The following FAM118B variants were observed in gnomAD, a reference collection of about 807,000 sequenced individuals.
FAM118B encodes the protein protein FAM118B.
A neutral mutation model predicts 38.5 loss-of-function variants in FAM118B; 24 were observed. That is an observed-to-expected ratio of 0.62 (90% CI 0.45 to 0.88). The LOEUF (loss-of-function observed/expected upper bound fraction) is 0.88. Among genes scored for constraint, FAM118B ranks in the 40% least tolerant of loss-of-function variants. The pLI is 0.00. For missense variants in FAM118B, 334 were observed against 420.0 expected (o/e 0.80, Z 1.79); for synonymous variants, 138 against 156.3 (o/e 0.88, Z 0.87).
At position 126,256,586 on chromosome 11, in the gene FAM118B, A is replaced by G. The variant is rs758185882; in HGVS notation, c.716A>G (p.Tyr239Cys). 3.1e-6 allele frequency: 5 copies of G among 1,613,918 alleles called. No individual in the cohort carries two copies. The highest frequency in any genetic ancestry group is 3.3e-5 in the Admixed American group (2 of 59,936). ...TEVMREIQKL[Y>C]ENKSFLFLGC... ...TTCCAGAGAGAAATTCAGAAACTCT[A>G]CGAAAACAAGTCATTTCTTTTCCTG... The change falls in exon 7 of 9, where the codon TAC becomes TGC. Residue 239 changes from tyrosine (Y) to cysteine (C), a missense_variant. This residue lies in a region of FAM118B where 240 missense variants were observed against 295.9 expected (regional missense o/e 0.81). Transcript: ENST00000533050. This position sits in a 1 kb window ranked among gnomAD's most constrained non-coding sequence, Gnocchi z 6.6.
rs1949952721 is a variant in FAM118B, at chr11:126,214,516, T to TTTTTTTTTTTTTTTTTTTTTTTTTTTTC, written c.-77+2697_-77+2698insTTTTTTTTTTTTTTTTCTTTTTTTTTTT. ...TTTTTTTTTTTTGTTTTTTTTTTGT[T>TTTTTTTTTTTTTTTTTTTTTTTTTTTTC]TTTTTTTTTTTACCTCTATATTGCC... On this transcript the variant is annotated intron_variant, in intron 1 of 8. Transcript: ENST00000533050. 2.2e-5 allele frequency: 2 copies of TTTTTTTTTTTTTTTTTTTTTTTTTTTTC among 92,512 alleles called. 1 individual carries two copies. Among genetic ancestry groups the TTTTTTTTTTTTTTTTTTTTTTTTTTTTC allele is most frequent in the Non-Finnish European group, 4.4e-5 (2 of 45,228 alleles). The allele number at this position is 92,512 out of a possible 1,614,324, so 5.7% of individuals were successfully genotyped here.
chr11:126,240,265 CT>C lies in FAM118B; in HGVS notation c.87-518del, dbSNP rs1396031095. 4.8e-5 allele frequency among the ~76,000 whole-genome samples: 7 copies of C among 146,058 alleles called. No homozygotes were observed. The South Asian group carries it at 6.5e-4, about 14-fold the overall frequency. ...TGTGTTTTCAGAATTCTATTGGCCACTTTTTTTTTCTTTTTTTTTTTTGCCT... is the reference window on the plus strand; with the variant it reads ...TGTGTTTTCAGAATTCTATTGGCCACTTTTTTTTCTTTTTTTTTTTTGCCT... On this transcript the variant is annotated intron_variant, in intron 3 of 8. Coordinates refer to ENST00000533050, the MANE Select transcript of FAM118B (RefSeq NM_024556.4).
At chr11:126,234,175 A>G (rs1391620556) in intron 2 of FAM118B, among the ~76,000 whole-genome samples, 4 of 152,230 alleles carry the variant, frequency 2.6e-5, no homozygotes, top group African/African-American at 4.8e-5. Context: ...GAATGTACTA[A>G]AACACCCCAA....
intron 1 of FAM118B, among the ~76,000 whole-genome samples, chr11:126,220,913 G>T (rs1030618860): frequency 6.6e-6 from 1 of 151,824 alleles, no homozygotes; most frequent in African/African-American, 2.4e-5. Flanking sequence ...TAGGCCGGGC[G>T]CAGTGGCTCA....
chr11:126,253,661 G>A lies in FAM118B; in HGVS notation c.568-644G>A, dbSNP rs904663771. On this transcript the variant is annotated intron_variant, in intron 5 of 8. Coordinates refer to ENST00000533050, the MANE Select transcript of FAM118B (RefSeq NM_024556.4). This position sits in a 1 kb window ranked among gnomAD's most constrained non-coding sequence, Gnocchi z 5.1. ...CCAGGCATTTTTTCTGCTGATTTTT[G>A]CACCCTCTTCACATACCTGCAGACA... Among the ~76,000 whole-genome samples the A allele has an allele frequency of 6.6e-6, 1 of 152,034 alleles. No homozygotes were observed. The highest frequency in any genetic ancestry group is 2.4e-5 in the African/African-American group (1 of 41,382).
intron 4 of FAM118B, among the ~76,000 whole-genome samples, chr11:126,249,253 T>C (rs192814410): frequency 6.6e-6 from 1 of 152,342 alleles, no homozygotes; most frequent in African/African-American, 2.4e-5. Flanking sequence ...GATTGGTGTT[T>C]GATGTTTTCA....
Position 126,250,780 on chromosome 11 carries a change from C to A in FAM118B, c.567+47C>A. ...CCTTCTTCAGGCTAGTGGATTTTATCTTCCTCAGAAAAGCTCTTTTCTAGT... is the reference window on the plus strand; with the variant it reads ...CCTTCTTCAGGCTAGTGGATTTTATATTCCTCAGAAAAGCTCTTTTCTAGT... On this transcript the variant is annotated intron_variant, in intron 5 of 8. Transcript: ENST00000533050. This position sits in a 1 kb window ranked among gnomAD's most constrained non-coding sequence, Gnocchi z 5.1. 1 of 1,425,926 alleles carries A rather than the reference C, an allele frequency of 7.0e-7. No homozygotes were observed. Among genetic ancestry groups the A allele is most frequent in the Non-Finnish European group, 9.7e-7 (1 of 1,031,508 alleles). The allele number at this position is 1,425,926 out of a possible 1,614,324, so 88.3% of individuals were successfully genotyped here.
At chr11:126,241,830 A>C (rs1199055579) in intron 4 of FAM118B, among the ~76,000 whole-genome samples, 1 of 152,108 alleles carries the variant, frequency 6.6e-6, no homozygotes, top group South Asian at 2.1e-4. Flanking sequence ...GATTATAGGC[A>C]TGAGCCACTG....
At chr11:126,219,955 T>C (rs1950042720) in intron 1 of FAM118B, among the ~76,000 whole-genome samples, 1 of 152,000 alleles carries the variant, frequency 6.6e-6, no homozygotes, top group Non-Finnish European at 1.5e-5. Context: ...GGGGGGCTTA[T>C]ATGTATGGAG....
At chr11:126,247,870 T>A (rs56384232) in intron 4 of FAM118B, among the ~76,000 whole-genome samples, 26,248 of 139,202 alleles carry the variant, frequency 0.19, 2,757 homozygotes, top group Non-Finnish European at 0.25. Context: ...AAAAAAAATA[T>A]ATATATATAT....
chr11:126,247,379 T>G lies in FAM118B; in HGVS notation c.340-3127T>G, dbSNP rs186156505. ...TCCTTCCTATGTTGATATGTAGGATTTAGTAGCTTAAATAGGTCTAAAAGA... is the reference window on the plus strand; with the variant it reads ...TCCTTCCTATGTTGATATGTAGGATGTAGTAGCTTAAATAGGTCTAAAAGA... On this transcript the variant is annotated intron_variant, in intron 4 of 8. Transcript: ENST00000533050. Among the ~76,000 whole-genome samples the G allele has an allele frequency of 7.2e-5, 11 of 152,306 alleles. No individual in the cohort carries two copies. In the East Asian group the frequency reaches 2.1e-3, roughly 29 times the overall value.
chr11:126,215,988 T>C (rs1263269492), intron 1 of FAM118B, among the ~76,000 whole-genome samples: 1 of 152,178 alleles, frequency 6.6e-6, no homozygotes, highest in Non-Finnish European at 1.5e-5. Flanking sequence ...CACTCCAGCC[T>C]GGGTGACAGA....
At chr11:126,218,398 G>A (rs1950010653) in intron 1 of FAM118B, among the ~76,000 whole-genome samples, 1 of 152,194 alleles carries the variant, frequency 6.6e-6, no homozygotes, top group Non-Finnish European at 1.5e-5. Flanking sequence ...GGATTGAGAA[G>A]TGCAGACCCC....
intron 3 of FAM118B, among the ~76,000 whole-genome samples, chr11:126,236,485 G>T (rs902379612): frequency 5.9e-5 from 9 of 151,576 alleles, no homozygotes; most frequent in Non-Finnish European, 1.3e-4. Context: ...TTTCATTTTT[G>T]TTGTTGTTGT....
At position 126,240,777 on chromosome 11, in the gene FAM118B, G is replaced by C; in HGVS notation, c.87-15G>C. 6.3e-7 allele frequency: 1 copy of C among 1,594,122 alleles called. No individual in the cohort carries two copies. The highest frequency in any genetic ancestry group is 2.2e-5 in the East Asian group (1 of 44,706). ...ATTGGATATTCCAATCCTCTCATTTGTTTTGCTTTTATAGGAAGCTGCTTC... is the reference window on the plus strand; with the variant it reads ...ATTGGATATTCCAATCCTCTCATTTCTTTTGCTTTTATAGGAAGCTGCTTC... On this transcript the variant is annotated splice_polypyrimidine_tract_variant and intron_variant, in intron 3 of 8. Coordinates refer to ENST00000533050, the MANE Select transcript of FAM118B (RefSeq NM_024556.4).
chr11:126,223,844 C>T (rs1243644439), intron 1 of FAM118B, among the ~76,000 whole-genome samples: 1 of 152,096 alleles, frequency 6.6e-6, no homozygotes, highest in Non-Finnish European at 1.5e-5. Flanking sequence ...GTCTTGGAAC[C>T]TTAAGTTGAA....
intron 4 of FAM118B, chr11:126,245,004 A>G (rs181449793): frequency 6.6e-6 from 1 of 152,318 alleles, no homozygotes; most frequent in East Asian, 1.9e-4. Context: ...ATTTTGTAGA[A>G]ATTGACAAAC....
intron 3 of FAM118B, among the ~76,000 whole-genome samples, chr11:126,235,431 C>G (rs1361171876): frequency 6.6e-6 from 1 of 152,136 alleles, no homozygotes; most frequent in African/African-American, 2.4e-5. Context: ...AATATAAGGA[C>G]TGCTTTGCTC....
rs1010119144 is a variant in FAM118B at position 126,255,483 on chromosome 11, A to G, written c.696+1050A>G. On this transcript the variant is annotated intron_variant, in intron 6 of 8. Transcript: ENST00000533050. The surrounding 1 kb of genome is among the most constrained non-coding windows in gnomAD (Gnocchi z 4.6). ...GTCATTTCTGTGTTTTTGTGTGTGT[A>G]TATGTATACACACACACACACATAC... 3.3e-5 allele frequency among the ~76,000 whole-genome samples: 5 copies of G among 152,110 alleles called. No homozygotes were observed. The highest frequency in any genetic ancestry group is 9.7e-5 in the African/African-American group (4 of 41,410).
Sources: gnomAD v4.1 joint callset for allele counts (sites outside exome capture counted in the v4.1 genomes callset) on GRCh38, gnomAD v4.1.1 for gene constraint, gnomAD v4.1.1 regional missense constraint, Gnocchi (gnomAD v3.1) non-coding constraint, MANE v1.5 for transcripts, NCBI Gene and HGNC (gene_info 2026-07-23, HGNC 2026-07-21) for gene names.